Variants in CD44 observed in about 807,000 individuals in gnomAD.
The protein encoded by CD44 is CD44 molecule (IN blood group).
CD44 carries 49 observed loss-of-function variants against 88.8 expected under a neutral mutation model. That is an observed-to-expected ratio of 0.55 (90% CI 0.44 to 0.70). The LOEUF is 0.70. CD44 is among the 30% of genes least tolerant of loss of function. The pLI is 0.00. For missense variants in CD44, 883 were observed against 913.8 expected (o/e 0.97, Z 0.43); for synonymous variants, 325 against 312.3 (o/e 1.04, Z -0.43).
chr11:35,163,251 C>CT (rs370904904), intron 1 of CD44, among the ~76,000 whole-genome samples: 2,827 of 146,176 alleles, frequency 0.019, 95 homozygotes, highest in African/African-American at 0.065. Context: ...AATGATTTAC[C>CT]TTTTTTTTTT....
At chr11:35,227,572 C>T (rs1949792418) in intron 17 of CD44, among the ~76,000 whole-genome samples, 1 of 152,198 alleles carries the variant, frequency 6.6e-6, no homozygotes, top group South Asian at 2.1e-4. Context: ...TTCAAGCATC[C>T]TTCCCCCAAC....
intron 4 of CD44, among the ~76,000 whole-genome samples, chr11:35,187,652 T>C (rs889652910): frequency 1.3e-5 from 2 of 152,220 alleles, no homozygotes; most frequent in African/African-American, 4.8e-5. Flanking sequence ...TGCTGAAAGC[T>C]CTGGGTCTGA....
Position 35,165,101 on chromosome 11 carries a change from T to G in CD44, c.68-11474T>G, listed in dbSNP as rs117766842. On this transcript the variant is annotated intron_variant, in intron 1 of 17. Coordinates refer to ENST00000428726, the MANE Select transcript of CD44 (RefSeq NM_000610.4). ...TGGGTGCTGGAAGAGAATGAGCATC[T>G]GGTAGATTGAGTCTCTGGGTCTGCC... Among the ~76,000 whole-genome samples, 209 of 152,302 alleles carry G rather than the reference T, an allele frequency of 1.4e-3. 1 individual carries two copies. In the East Asian group the frequency reaches 0.035, roughly 25 times the overall value.
intron 7 of CD44, 110 bp downstream of exon 7, chr11:35,198,356 A>G (rs1010080122): frequency 1.1e-6 from 1 of 935,470 alleles, no homozygotes; most frequent in African/African-American, 1.6e-5. Context: ...AAATGGGTGA[A>G]CCTATGATCA....
At chr11:35,216,185 C>T (rs145804085) in intron 15 of CD44, among the ~76,000 whole-genome samples, 166 of 152,042 alleles carry the variant, frequency 1.1e-3, no homozygotes, top group African/African-American at 3.6e-3. Context: ...AAATAGACTC[C>T]TGTTTGTTGT....
intron 14 of CD44, among the ~76,000 whole-genome samples, chr11:35,213,025 T>C (rs561651359): frequency 3.3e-5 from 5 of 151,770 alleles, no homozygotes; most frequent in African/African-American, 9.7e-5. Flanking sequence ...GGTTTCACCA[T>C]GTTGGCCAGG....
intron 14 of CD44, chr11:35,213,800 G>A (rs1000187924): frequency 2.6e-5 from 4 of 152,082 alleles, no homozygotes; most frequent in Non-Finnish European, 5.9e-5. Context: ...AGCAAATGTT[G>A]TTTTCATTTG....
At chr11:35,228,177 C>T (rs1317762848) in intron 17 of CD44, among the ~76,000 whole-genome samples, 6 of 152,154 alleles carry the variant, frequency 3.9e-5, no homozygotes, top group Admixed American at 1.3e-4. Context: ...AAGCAATGGA[C>T]AGTAACCAGG....
At chr11:35,207,557 C>A (rs139033082) in intron 11 of CD44, among the ~76,000 whole-genome samples, 56 of 152,326 alleles carry the variant, frequency 3.7e-4, no homozygotes, top group African/African-American at 1.3e-3. Flanking sequence ...AATTCAATGA[C>A]GTCCACTGCT....
At chr11:35,197,819 C>A in intron 6 of CD44, 1 of 251,712 alleles carries the variant, frequency 4.0e-6, no homozygotes. Context: ...ATAAACATAT[C>A]TGAAAGTGTG....
At chr11:35,160,991 A>T (rs1172138279) in intron 1 of CD44, among the ~76,000 whole-genome samples, 1 of 152,162 alleles carries the variant, frequency 6.6e-6, no homozygotes, top group East Asian at 1.9e-4. Context: ...GTGAGAGCCC[A>T]TGTATTGGAT....
rs564027013 is a variant in CD44, at chr11:35,144,588, G to T, written c.67+5218G>T. Among the ~76,000 whole-genome samples the T allele has an allele frequency of 3.3e-5, 5 of 152,262 alleles. No individual in the cohort carries two copies. In the South Asian group the frequency reaches 8.3e-4, roughly 25 times the overall value. ...CCCCCACAGCTGCCCAACTGGGTTT[G>T]CGAGGCAAGCCCAACTTGCCAGAGT... On this transcript the variant is annotated intron_variant, in intron 1 of 17. Transcript: ENST00000428726.
intron 1 of CD44, among the ~76,000 whole-genome samples, chr11:35,141,859 G>A (rs1217600196): frequency 2.0e-5 from 3 of 152,184 alleles, no homozygotes; most frequent in African/African-American, 7.2e-5. Context: ...GGTGTGGGTG[G>A]CGAAGGGGAG....
chr11:35,190,777 A>G (rs1946190022), intron 5 of CD44, among the ~76,000 whole-genome samples: 1 of 152,244 alleles, frequency 6.6e-6, no homozygotes, highest in South Asian at 2.1e-4. Flanking sequence ...TTTTCTGGTG[A>G]AATTAAATCA....
At chr11:35,207,357 C>A (rs1373243902) in intron 11 of CD44, among the ~76,000 whole-genome samples, 1 of 152,180 alleles carries the variant, frequency 6.6e-6, no homozygotes, top group Non-Finnish European at 1.5e-5. Flanking sequence ...GAATTGACAG[C>A]CAGAAATATC....
At position 35,204,506 on chromosome 11, in the gene CD44, T is replaced by A; in HGVS notation, c.1154-6T>A. On this transcript the variant is annotated splice_polypyrimidine_tract_variant and splice_region_variant and intron_variant, in intron 9 of 17. Coordinates refer to ENST00000428726, the MANE Select transcript of CD44 (RefSeq NM_000610.4). Reference sequence around the variant, plus strand: ...TTATGTCTCCCAACTGATATTCTTCTCACAGTCCAGGCAACTCCTAGTAGT... The same window carrying A: ...TTATGTCTCCCAACTGATATTCTTCACACAGTCCAGGCAACTCCTAGTAGT... The A allele has an allele frequency of 6.2e-7, 1 of 1,612,820 alleles. No individual in the cohort carries two copies. Among genetic ancestry groups the A allele is most frequent in the Admixed American group, 1.7e-5 (1 of 59,946 alleles).
chr11:35,180,918 G>C (rs1482201151), intron 3 of CD44, among the ~76,000 whole-genome samples: 2 of 152,164 alleles, frequency 1.3e-5, no homozygotes, highest in African/African-American at 4.8e-5. Context: ...ATGAGTGCTA[G>C]GGATGCTTTT....
chr11:35,204,708 G>A (rs1947660381), intron 10 of CD44, 68 bp downstream of exon 10: 1 of 1,416,902 alleles, frequency 7.1e-7, no homozygotes, highest in African/African-American at 1.4e-5. Context: ...AGACATTGAG[G>A]ACATTGAACA....
Position 35,229,258 on chromosome 11 carries a change from A to C in CD44, c.2154A>C (p.Ser718=). The change falls in exon 18 of 18, where the codon TCA becomes TCC. Residue 718 remains serine (S), a synonymous_variant. Coordinates refer to ENST00000428726, the MANE Select transcript of CD44 (RefSeq NM_000610.4). ...EMVHLVNKES[S]ETPDQFMTAD... Reference sequence around the variant, plus strand: ...TGCATTTGGTGAACAAGGAGTCGTCAGAAACTCCAGACCAGTTTATGACAG... The same window carrying C: ...TGCATTTGGTGAACAAGGAGTCGTCCGAAACTCCAGACCAGTTTATGACAG... 6.2e-7 allele frequency: 1 copy of C among 1,614,112 alleles called. No individual in the cohort carries two copies.
Sources: gnomAD v4.1 joint callset for allele counts (sites outside exome capture counted in the v4.1 genomes callset) on GRCh38, gnomAD v4.1.1 for gene constraint, MANE v1.5 for transcripts, NCBI Gene and HGNC (gene_info 2026-07-23, HGNC 2026-07-21) for gene names.